CYP21A2: variants seen among roughly 807,000 people sequenced by gnomAD.
CYP21A2 encodes the protein steroid 21-hydroxylase.
In CYP21A2, 24 loss-of-function variants were observed where a neutral mutation model predicts 47.4. That is an observed-to-expected ratio of 0.51 (90% CI 0.37 to 0.71). CYP21A2 has a LOEUF of 0.71. Among genes scored for constraint, CYP21A2 ranks in the 30% least tolerant of loss-of-function variants. The pLI is 0.00. For synonymous variants in CYP21A2, 130 were observed against 273.9 expected, an observed-to-expected ratio of 0.47 and a Z score of 5.19; for missense variants, 358 against 643.2, an observed-to-expected ratio of 0.56 and a Z score of 4.80.
rs569442243 is a variant in CYP21A2, at chr6:32,041,467, C to T, written c.*333C>T. 1.9e-6 allele frequency: 2 copies of T among 1,050,736 alleles called. No homozygotes were observed. The highest frequency in any genetic ancestry group is 3.4e-5 in the African/African-American group (2 of 58,462). 65.1% of individuals were successfully genotyped at this position (1,050,736 alleles called of 1,614,324 possible). The stretch of plus-strand genomic sequence containing the variant: ...GCTCACTCCCTGGGAAAGGGGTTGT[C>T]AAGAGAGAGTCAAAGCCGGATGTCC... On this transcript the variant is annotated 3_prime_UTR_variant, in exon 10 of 10. Transcript: ENST00000644719.
At position 32,039,119 on chromosome 6, in the gene CYP21A2, G is replaced by C. The variant is rs6455; in HGVS notation, c.318G>C (p.Pro106=). The part of the protein sequence containing the change: ...LTYKLVSRNY[P]DLSLGDYSLL... ...ACAAGCTGGTGTCTAGGAACTACCC[G>C]GACCTGTCCTTGGGAGACTACTCCC... Residue 106 remains proline, a synonymous_variant, in exon 3 of 10, where the codon CCG becomes CCC. Transcript: ENST00000644719. 36,754 of 1,483,998 alleles carry C rather than the reference G, an allele frequency of 0.025. 1,046 individuals carry two copies. The highest frequency in any genetic ancestry group is 0.024 in the Non-Finnish European group (26,202 of 1,097,916). 91.9% of individuals were successfully genotyped at this position (1,483,998 alleles called of 1,614,324 possible). A position where few individuals can be genotyped will look rare whatever the true frequency, so the allele number is the denominator to read the frequency against.
At chr6:32,040,241 G>C in intron 7 of CYP21A2, 36 bp downstream of exon 7, 1 of 1,612,778 alleles carries the variant, frequency 6.2e-7, no homozygotes, top group Non-Finnish European at 8.5e-7. Context: ...CTCCTTCCCA[G>C]CAACCTGGCC....
In CYP21A2 at chr6:32,038,938, T is replaced by G. The variant is rs192217993; in HGVS notation, c.292+127T>G. 1.6e-4 allele frequency: 240 copies of G among 1,460,600 alleles called. 2 individuals carry two copies. The highest frequency in any genetic ancestry group is 5.5e-4 in the Middle Eastern group (3 of 5,436). 90.5% of individuals were successfully genotyped at this position (1,460,600 alleles called of 1,614,324 possible). A position where few individuals can be genotyped will look rare whatever the true frequency, so the allele number is the denominator to read the frequency against. ...GATCCTCCCACCTCAGCCTCAAGTGTGAGCCACCTTTGGGGCATCCCCAAT... is the reference window on the plus strand; with the variant it reads ...GATCCTCCCACCTCAGCCTCAAGTGGGAGCCACCTTTGGGGCATCCCCAAT... On this transcript the variant is annotated intron_variant, in intron 2 of 9. Transcript: ENST00000644719.
At chr6:32,039,036 T>G in intron 2 of CYP21A2, 58 bp from the exon 3 acceptor site, 1 of 1,564,386 alleles carries the variant, frequency 6.4e-7, no homozygotes, top group Non-Finnish European at 8.7e-7. Flanking sequence ...CCGAAGAAGG[T>G]CAGGCCCTCA....
rs769293380 is a variant in CYP21A2, at chr6:32,039,764, G to T, written c.667G>T (p.Gly223Cys). 2.7e-5 allele frequency: 43 copies of T among 1,612,710 alleles called. No individual in the cohort carries two copies. Among genetic ancestry groups the T allele is most frequent in the Non-Finnish European group, 3.3e-5 (39 of 1,179,496 alleles). ...IPFLRFFPNPGLRRLKQAIEK... is the reference protein window; with the variant it reads ...IPFLRFFPNPCLRRLKQAIEK... ...CCTGCCGCAGTTCTTCCCCAATCCA[G>T]GTCTCCGGAGGCTGAAGCAGGCCAT... Residue 223 changes from glycine to cysteine, a missense_variant, in exon 6 of 10, where the codon GGT becomes TGT. Physicochemically the swap from Gly to Cys is radical, Grantham distance 159. Coordinates refer to ENST00000644719, the MANE Select transcript of CYP21A2 (RefSeq NM_000500.9).
At position 32,041,441 on chromosome 6, in the gene CYP21A2, A is replaced by C. The variant is rs1197678718; in HGVS notation, c.*307A>C. 1 of 921,800 alleles carries C rather than the reference A, an allele frequency of 1.1e-6. No homozygotes were observed. Among genetic ancestry groups the C allele is most frequent in the South Asian group, 1.4e-5 (1 of 72,228 alleles). The allele number at this position is 921,800 out of a possible 1,614,324, so 57.1% of individuals were successfully genotyped here. On this transcript the variant is annotated 3_prime_UTR_variant, in exon 10 of 10. Coordinates refer to ENST00000644719, the MANE Select transcript of CYP21A2 (RefSeq NM_000500.9). ...AACTCGAAGCCCTTCCAGTGGTACC[A>C]GCTCACTCCCTGGGAAAGGGGTTGT...
intron 2 of CYP21A2, 135 bp from the exon 3 acceptor site, chr6:32,038,959 C>A: frequency 6.6e-7 from 1 of 1,519,908 alleles, no homozygotes. Context: ...TGGGGCATCC[C>A]CAATCCAGGT....
rs776989258 is a variant in CYP21A2 at position 32,041,093 on chromosome 6, C to T, written c.1447C>T (p.Pro483Ser). The stretch of plus-strand genomic sequence containing the variant: ...GCAGCCTTTCCAAGTGCGGCTGCAG[C>T]CCCGGGGGATGGGGGCCCACAGCCC... ...KMQPFQVRLQ[P>S]RGMGAHSPGQ... Residue 483 changes from proline to serine, a missense_variant, in exon 10 of 10, where the codon CCC becomes TCC. By Grantham distance (74) the Pro-to-Ser change is moderately conservative. Transcript: ENST00000644719. The T allele has an allele frequency of 4.8e-4, 762 of 1,582,692 alleles. 20 individuals are homozygous for T. The Middle Eastern group carries it at 9.6e-3, about 20-fold the overall frequency.
In CYP21A2 at chr6:32,038,799, G is replaced by C. The variant is rs1279630505; in HGVS notation, c.280G>C (p.Glu94Gln). The change falls in exon 2 of 10, where the codon GAG becomes CAG. Residue 94 changes from glutamate to glutamine, a missense_variant. Glu to Gln is a conservative substitution (Grantham distance 29). Coordinates refer to ENST00000644719, the MANE Select transcript of CYP21A2 (RefSeq NM_000500.9). ...KKWADFAGRPEPLTYKLVSRN... is the reference protein window; with the variant it reads ...KKWADFAGRPQPLTYKLVSRN... ...GTGGGCAGACTTTGCTGGCAGACCT[G>C]AGCCACTTACCTGTAAGGGCCGGGG... The C allele has an allele frequency of 2.1e-6, 3 of 1,417,878 alleles. No homozygotes were observed. The highest frequency in any genetic ancestry group is 3.0e-6 in the Non-Finnish European group (3 of 1,010,892). 87.8% of individuals were successfully genotyped at this position (1,417,878 alleles called of 1,614,324 possible).
In CYP21A2 at chr6:32,040,790, G is replaced by GC. The variant is rs745369353; in HGVS notation, c.1222+21dup. 41 of 1,594,128 alleles carry GC rather than the reference G, an allele frequency of 2.6e-5. No homozygotes were observed. Among genetic ancestry groups the GC allele is most frequent in the Admixed American group, 2.0e-4 (11 of 56,394 alleles). ...TGGCCTGGTATGTGGGGGGCCGGGG[G>GC]CCTGCCGTGAAAATGTGGTGGAGGC... is the stretch of plus-strand genomic sequence containing the variant. On this transcript the variant is annotated intron_variant, in intron 9 of 9. Transcript: ENST00000644719.
chr6:32,040,559 C>A lies in CYP21A2; in HGVS notation c.1093C>A (p.Pro365Thr). 6.2e-7 allele frequency: 1 copy of A among 1,613,550 alleles called. No individual in the cohort carries two copies. The highest frequency in any genetic ancestry group is 8.5e-7 in the Non-Finnish European group (1 of 1,179,818). Reference sequence around the variant, plus strand: ...GCGGCCCGTTGTGCCCTTAGCCTTGCCCCACCGCACCACACGGCCCAGCAG... The same window carrying A: ...GCGGCCCGTTGTGCCCTTAGCCTTGACCCACCGCACCACACGGCCCAGCAG... Reference protein sequence around the residue: ...RLRPVVPLALPHRTTRPSSIS... With the variant: ...RLRPVVPLALTHRTTRPSSIS... The change falls in exon 8 of 10, where the codon CCC becomes ACC. Residue 365 changes from proline to threonine, a missense_variant. Transcript: ENST00000644719.
chr6:32,039,032 A>C, intron 2 of CYP21A2, 62 bp from the exon 3 acceptor site: 5 of 1,562,912 alleles, frequency 3.2e-6, no homozygotes, highest in Non-Finnish European at 4.3e-6. Context: ...GAGGCCGAAG[A>C]AGGTCAGGCC....
chr6:32,039,455 A>T lies in CYP21A2; in HGVS notation c.547A>T (p.Lys183Ter), dbSNP rs1243842231. The stretch of plus-strand genomic sequence containing the variant: ...TTACCTCACCTTCGGAGACAAGATC[A>T]AGGTGCCTCACAGCCCCTCAGGCCC... The part of the protein sequence containing the change: ...ICYLTFGDKI[K>*]DDNLMPAYYK... Residue 183 changes from lysine to a stop codon, truncating the protein, a stop_gained and splice_region_variant, in exon 4 of 10, where the codon AAG becomes TAG. Coordinates refer to ENST00000644719, the MANE Select transcript of CYP21A2 (RefSeq NM_000500.9). LOFTEE classifies it high-confidence loss of function. 6.2e-7 allele frequency: 1 copy of T among 1,606,646 alleles called. No homozygotes were observed.
chr6:32,039,017 T>A, intron 2 of CYP21A2, 77 bp from the exon 3 acceptor site: 1 of 1,553,836 alleles, frequency 6.4e-7, no homozygotes, highest in Non-Finnish European at 8.7e-7. Flanking sequence ...AAAGCAGGGG[T>A]TGGGGAGGCC....
chr6:32,039,382 T>G lies in CYP21A2; in HGVS notation c.474T>G (p.Pro158=), dbSNP rs553502993. The change falls in exon 4 of 10, where the codon CCT becomes CCG. Residue 158 remains proline (P), a synonymous_variant. Coordinates refer to ENST00000644719, the MANE Select transcript of CYP21A2 (RefSeq NM_000500.9). ...CERMRAQPGT[P]VAIEEEFSLL... is the part of the protein sequence containing the mutation. ...GCATGAGAGCCCAGCCCGGCACCCCTGTGGCCATTGAGGAGGAATTCTCTC... is the reference window on the plus strand; with the variant it reads ...GCATGAGAGCCCAGCCCGGCACCCCGGTGGCCATTGAGGAGGAATTCTCTC... 6.2e-7 allele frequency: 1 copy of G among 1,611,858 alleles called. No individual in the cohort carries two copies. Among genetic ancestry groups the G allele is most frequent in the African/African-American group, 1.3e-5 (1 of 74,892 alleles).
intron 7 of CYP21A2, 70 bp downstream of exon 7, chr6:32,040,275 G>C (rs1224503142): frequency 1.2e-6 from 2 of 1,612,530 alleles, no homozygotes; most frequent in Non-Finnish European, 1.7e-6. Context: ...CCCTCACTCA[G>C]CTCTGAGCAC....
rs1303387085 is a variant in CYP21A2 at position 32,038,511 on chromosome 6, T to A, written c.89T>A (p.Leu30His). ...TGGTGGAAGCTCCGGAGCCTCCACCTCCCGCCTCTTGCCCCGGGCTTCTTG... is the reference window on the plus strand; with the variant it reads ...TGGTGGAAGCTCCGGAGCCTCCACCACCCGCCTCTTGCCCCGGGCTTCTTG... ...WNWWKLRSLH[L>H]PPLAPGFLHL... The change falls in exon 1 of 10, where the codon CTC becomes CAC. Residue 30 changes from leucine (L) to histidine (H), a missense_variant. Transcript: ENST00000644719. 3.1e-6 allele frequency: 5 copies of A among 1,606,354 alleles called. No homozygotes were observed. In the African/African-American group the frequency reaches 5.4e-5, roughly 17 times the overall value.
At chr6:32,039,001 G>A (rs777370527) in intron 2 of CYP21A2, 93 bp from the exon 3 acceptor site, 3 of 1,549,762 alleles carry the variant, frequency 1.9e-6, no homozygotes, top group South Asian at 1.2e-5. Flanking sequence ...CATATCTGGT[G>A]GGGAGAAAGC....
Position 32,039,709 on chromosome 6 carries a change from G to T in CYP21A2, c.652-40G>T, listed in dbSNP as rs1415548479. On this transcript the variant is annotated intron_variant, in intron 5 of 9. Coordinates refer to ENST00000644719, the MANE Select transcript of CYP21A2 (RefSeq NM_000500.9). ...GGGAGAGGCTGGGGTGGAGGGAGAG[G>T]CTCCTTCCCACAGCTGCATTCTCAT... 3.8e-6 allele frequency: 6 copies of T among 1,578,942 alleles called. 1 individual carries two copies. The Admixed American group carries it at 5.5e-5, about 14-fold the overall frequency.
Sources: gnomAD v4.1 joint callset for allele counts on GRCh38, gnomAD v4.1.1 for gene constraint, MANE v1.5 for transcripts, NCBI Gene and HGNC (gene_info 2026-07-23, HGNC 2026-07-21) for gene names.